Variants in RAB23 observed in about 807,000 individuals in gnomAD.
RAB23 encodes the protein RAB23, member RAS oncogene family.
RAB23 carries 15 observed loss-of-function variants against 30.0 expected under a neutral mutation model. That is an observed-to-expected ratio of 0.50 (90% CI 0.33 to 0.77). RAB23 has a LOEUF of 0.77. Ranked by LOEUF, RAB23 falls within the 30% of genes least tolerant of loss-of-function variation. RAB23 has a pLI of 0.02. For synonymous variants in RAB23, 93 were observed against 94.0 expected, an observed-to-expected ratio of 0.99 and a Z score of 0.06; for missense variants, 243 against 275.4, an observed-to-expected ratio of 0.88 and a Z score of 0.83.
At chr6:57,200,536 CAA>C (rs989178921) in intron 3 of RAB23, among the ~76,000 whole-genome samples, 4 of 42,644 alleles carry the variant, frequency 9.4e-5, no homozygotes, top group Admixed American at 4.6e-4. Flanking sequence ...GACTCTGTCT[CAA>C]AAAAAAAAAA....
At chr6:57,211,721 T>C (rs1765662127) in intron 1 of RAB23, among the ~76,000 whole-genome samples, 1 of 152,210 alleles carries the variant, frequency 6.6e-6, no homozygotes, top group Non-Finnish European at 1.5e-5. Flanking sequence ...CTTGCTTTAG[T>C]TTTAAACCTT....
chr6:57,203,867 C>T (rs971297574), intron 3 of RAB23, among the ~76,000 whole-genome samples: 4 of 152,142 alleles, frequency 2.6e-5, no homozygotes, highest in South Asian at 2.1e-4. Flanking sequence ...CTACTGTGGA[C>T]GGGAAGCCTT....
chr6:57,207,965 C>T (rs563253385), intron 2 of RAB23, among the ~76,000 whole-genome samples: 7 of 152,270 alleles, frequency 4.6e-5, no homozygotes, highest in East Asian at 1.9e-4. Flanking sequence ...ATAAGCTGAA[C>T]TATTATAAAT....
At chr6:57,209,832 C>A (rs992689603) in intron 2 of RAB23, among the ~76,000 whole-genome samples, 1 of 152,024 alleles carries the variant, frequency 6.6e-6, no homozygotes, top group African/African-American at 2.4e-5. Flanking sequence ...TACAGTCTTG[C>A]CTAGTTTCAA....
intron 6 of RAB23, 50 bp downstream of exon 6, chr6:57,193,792 T>C (rs774700900): frequency 6.3e-7 from 1 of 1,597,282 alleles, no homozygotes; most frequent in Non-Finnish European, 8.5e-7. Context: ...ATTATATGTG[T>C]TTTTTAACTT....
At chr6:57,221,675 G>T (rs1158208146) in intron 1 of RAB23, 51 bp downstream of exon 1, 2 of 152,344 alleles carry the variant, frequency 1.3e-5, no homozygotes, top group Non-Finnish European at 2.9e-5. Flanking sequence ...ACGCAGCGCC[G>T]CCCTCGCTCC....
chr6:57,219,021 G>A (rs1486601929), intron 1 of RAB23, among the ~76,000 whole-genome samples: 1 of 152,096 alleles, frequency 6.6e-6, no homozygotes, highest in African/African-American at 2.4e-5. Flanking sequence ...ATAAAACACA[G>A]ATTAGGAAAA....
intron 1 of RAB23, among the ~76,000 whole-genome samples, chr6:57,219,875 A>G (rs1765991841): frequency 6.6e-6 from 1 of 152,218 alleles, no homozygotes; most frequent in Non-Finnish European, 1.5e-5. Flanking sequence ...TGTTAGGCAG[A>G]GTTTTTAGAC....
chr6:57,216,587 C>G (rs945802315), intron 1 of RAB23, among the ~76,000 whole-genome samples: 1 of 152,080 alleles, frequency 6.6e-6, no homozygotes, highest in Non-Finnish European at 1.5e-5. Flanking sequence ...AGAAGGAATT[C>G]AAGGGTGAGC....
At chr6:57,213,149 G>T (rs1765715115) in intron 1 of RAB23, among the ~76,000 whole-genome samples, 1 of 152,134 alleles carries the variant, frequency 6.6e-6, no homozygotes, top group African/African-American at 2.4e-5. Context: ...TCCCTCACAT[G>T]TGCAGTTCTC....
At chr6:57,205,213 AGT>A (rs1392699807) in intron 3 of RAB23, among the ~76,000 whole-genome samples, 1 of 151,416 alleles carries the variant, frequency 6.6e-6, no homozygotes, top group Non-Finnish European at 1.5e-5. Context: ...ACATATATTA[AGT>A]GTGTGTATAT....
intron 1 of RAB23, among the ~76,000 whole-genome samples, chr6:57,212,214 G>C (rs554874191): frequency 1.9e-4 from 29 of 152,154 alleles, no homozygotes; most frequent in Admixed American, 1.7e-3. Context: ...CATTCTCCCC[G>C]GGTAAAGACT....
rs1229666177 is a variant in RAB23, at chr6:57,188,418, C to T, written c.*2043G>A. ...ATATTACAGGAACTGTAACTATCCT[C>T]AGAGATTACTTTTTTTAAATATAGA... On this transcript the variant is annotated 3_prime_UTR_variant, in exon 7 of 7. Transcript: ENST00000468148. 6.6e-6 allele frequency: 1 copy of T among 152,156 alleles called. No individual in the cohort carries two copies. The highest frequency in any genetic ancestry group is 2.4e-5 in the African/African-American group (1 of 41,448). 9.4% of individuals were successfully genotyped at this position (152,156 alleles called of 1,614,324 possible).
At chr6:57,193,692 A>G in intron 6 of RAB23, 150 bp downstream of exon 6, 4 of 1,121,094 alleles carry the variant, frequency 3.6e-6, no homozygotes, top group Non-Finnish European at 3.7e-6. Context: ...TTAACACAAT[A>G]TACCTTTTAA....
At chr6:57,200,578 A>G (rs1489796592) in intron 3 of RAB23, among the ~76,000 whole-genome samples, 1 of 151,154 alleles carries the variant, frequency 6.6e-6, no homozygotes, top group African/African-American at 2.4e-5. Context: ...TAGAGGAAGT[A>G]CTGTACTCCA....
At chr6:57,191,136 T>A (rs1764824303) in intron 6 of RAB23, among the ~76,000 whole-genome samples, 1 of 152,234 alleles carries the variant, frequency 6.6e-6, no homozygotes, top group South Asian at 2.1e-4. Flanking sequence ...CACAGATTTA[T>A]GATTTTAAAG....
At chr6:57,201,375 AGGTCATAAGCCCCTCAGGT>A (rs1295111412) in intron 3 of RAB23, among the ~76,000 whole-genome samples, 5 of 152,178 alleles carry the variant, frequency 3.3e-5, no homozygotes, top group African/African-American at 1.2e-4. Flanking sequence ...CACCTGAAGG[AGGTCATAAGCCCCTCAGGT>A]GAGAGGTGAC....
chr6:57,198,443 G>T (rs535870487), intron 3 of RAB23, among the ~76,000 whole-genome samples: 1 of 152,120 alleles, frequency 6.6e-6, no homozygotes, highest in South Asian at 2.1e-4. Flanking sequence ...GAACCCGGGA[G>T]GTGGAGCTTG....
At chr6:57,194,189 G>C (rs534904212) in intron 5 of RAB23, among the ~76,000 whole-genome samples, 52 of 152,052 alleles carry the variant, frequency 3.4e-4, no homozygotes, top group Non-Finnish European at 5.6e-4. Flanking sequence ...GCTCTTCTAA[G>C]TATCTGAATA....
Sources: gnomAD v4.1 joint callset for allele counts (sites outside exome capture counted in the v4.1 genomes callset) on GRCh38, gnomAD v4.1.1 for gene constraint, MANE v1.5 for transcripts, NCBI Gene and HGNC (gene_info 2026-07-23, HGNC 2026-07-21) for gene names.